NPTN: variants seen among roughly 807,000 people sequenced by gnomAD.
The protein encoded by NPTN is SDR-1.
In NPTN, 5 loss-of-function variants were observed where a neutral mutation model predicts 42.7. That is an observed-to-expected ratio of 0.12 (90% confidence interval 0.06 to 0.25). The LOEUF (loss-of-function observed/expected upper bound fraction) is 0.25. Ranked by LOEUF, NPTN falls within the 10% of genes least tolerant of loss-of-function variation. The probability of loss-of-function intolerance (pLI) is 1.00; values close to 1 mark genes in which losing one functional copy is unlikely to be tolerated. For missense variants in NPTN, 307 were observed against 525.4 expected (o/e 0.58, Z 4.06); for synonymous variants, 180 against 201.9 (o/e 0.89, Z 0.92).
chr15:73,605,316 G>A (rs1239040920), intron 1 of NPTN, among the ~76,000 whole-genome samples: 3 of 151,808 alleles, frequency 2.0e-5, no homozygotes, highest in African/African-American at 4.8e-5. Flanking sequence ...AATAGAAAGT[G>A]ACATTAAATG....
chr15:73,625,880 G>GA (rs1259642320), intron 1 of NPTN, among the ~76,000 whole-genome samples: 1 of 151,722 alleles, frequency 6.6e-6, no homozygotes, highest in East Asian at 1.9e-4. Flanking sequence ...AGATCTAAAA[G>GA]AAAAAAAGGA....
chr15:73,624,063 G>C (rs1269077396), intron 1 of NPTN, among the ~76,000 whole-genome samples: 1 of 152,060 alleles, frequency 6.6e-6, no homozygotes, highest in Non-Finnish European at 1.5e-5. Context: ...TCCCCCTAGT[G>C]CTCCCTGTTC....
At chr15:73,624,936 GA>G (rs961304261) in intron 1 of NPTN, among the ~76,000 whole-genome samples, 2 of 151,296 alleles carry the variant, frequency 1.3e-5, no homozygotes, top group African/African-American at 2.4e-5. Flanking sequence ...GTTCTAAAAG[GA>G]AAAAAAATCG....
At chr15:73,589,149 T>A (rs1487358616) in intron 3 of NPTN, among the ~76,000 whole-genome samples, 1 of 151,952 alleles carries the variant, frequency 6.6e-6, no homozygotes, top group African/African-American at 2.4e-5. Flanking sequence ...CTGGGAAACA[T>A]GGCGAAACGC....
At chr15:73,606,489 A>G (rs930321989) in intron 1 of NPTN, among the ~76,000 whole-genome samples, 6 of 152,212 alleles carry the variant, frequency 3.9e-5, no homozygotes, top group African/African-American at 1.4e-4. Context: ...AGAAAAATGC[A>G]CACAAATAAG....
chr15:73,569,436 G>A lies in NPTN; in HGVS notation c.1114+714C>T, dbSNP rs1370966945. 3.0e-6 allele frequency: 3 copies of A among 985,738 alleles called. No homozygotes were observed. Among genetic ancestry groups the A allele is most frequent in the Non-Finnish European group, 3.6e-6 (3 of 830,322 alleles). The allele number at this position is 985,738 out of a possible 1,614,324, so 61.1% of individuals were successfully genotyped here. On this transcript the variant is annotated intron_variant, in intron 6 of 8. Transcript: ENST00000345330. This position sits in a 1 kb window ranked among gnomAD's most constrained non-coding sequence, Gnocchi z 4.1. The stretch of plus-strand genomic sequence containing the variant: ...CATCTCCTCCCTTCTCTGACCCTAG[G>A]CCAGCTTGAGGGCACAGCCTCGGGG...
intron 4 of NPTN, among the ~76,000 whole-genome samples, chr15:73,583,578 G>A (rs1268231708): frequency 6.6e-6 from 1 of 152,172 alleles, no homozygotes; most frequent in African/African-American, 2.4e-5. Context: ...AGGTCAGGGT[G>A]GCACCCTGAA....
chr15:73,573,479 T>C (rs1021605511), intron 5 of NPTN, among the ~76,000 whole-genome samples, 183 bp downstream of exon 5: 4 of 152,160 alleles, frequency 2.6e-5, no homozygotes, highest in Non-Finnish European at 4.4e-5. Flanking sequence ...CGTACAGGGA[T>C]TTTTGTGCTG....
Position 73,560,244 on chromosome 15 carries a change from T to A in NPTN, c.*819A>T, listed in dbSNP as rs1324881393. On this transcript the variant is annotated 3_prime_UTR_variant, in exon 9 of 9. Transcript: ENST00000345330. Reference sequence around the variant, plus strand: ...CATAGAATATTACCATGCTATAACATTTCAAGGTCATTGGAAACAAAAGAA... The same window carrying A: ...CATAGAATATTACCATGCTATAACAATTCAAGGTCATTGGAAACAAAAGAA... 5.8e-6 allele frequency: 1 copy of A among 171,326 alleles called. No homozygotes were observed. Among genetic ancestry groups the A allele is most frequent in the Non-Finnish European group, 1.2e-5 (1 of 81,108 alleles). 10.6% of individuals were successfully genotyped at this position (171,326 alleles called of 1,614,324 possible).
In NPTN at chr15:73,633,249, C is replaced by T; in HGVS notation, c.-34G>A. The stretch of plus-strand genomic sequence containing the variant: ...GCAGAAGACCCAACAGCGAATGGGC[C>T]GGGGCCAGAGCCGGGGCCGGGGAAG... On this transcript the variant is annotated 5_prime_UTR_variant, in exon 1 of 9. Coordinates refer to ENST00000345330, the MANE Select transcript of NPTN (RefSeq NM_012428.4). 1.4e-6 allele frequency: 1 copy of T among 728,308 alleles called. No homozygotes were observed. The highest frequency in any genetic ancestry group is 2.0e-6 in the Non-Finnish European group (1 of 491,398). 45.1% of individuals were successfully genotyped at this position (728,308 alleles called of 1,614,324 possible). A position where few individuals can be genotyped will look rare whatever the true frequency, so the allele number is the denominator to read the frequency against.
intron 1 of NPTN, among the ~76,000 whole-genome samples, chr15:73,623,254 T>G (rs1047746008): frequency 3.9e-5 from 6 of 152,232 alleles, no homozygotes; most frequent in Non-Finnish European, 7.3e-5. Flanking sequence ...CTGAAGGTTA[T>G]AGTAAGCAAA....
chr15:73,572,535 T>G (rs1013795611), intron 5 of NPTN, among the ~76,000 whole-genome samples: 8 of 152,076 alleles, frequency 5.3e-5, no homozygotes, highest in Admixed American at 3.3e-4. Flanking sequence ...TTGGGCCTCC[T>G]CAGGTTGCCC....
At chr15:73,586,806 A>G (rs1200763720) in intron 4 of NPTN, among the ~76,000 whole-genome samples, 2 of 152,152 alleles carry the variant, frequency 1.3e-5, no homozygotes, top group Non-Finnish European at 2.9e-5. Context: ...AAAACATTGG[A>G]TTGGGGGTCA....
intron 2 of NPTN, among the ~76,000 whole-genome samples, chr15:73,593,201 T>C (rs2141402146): frequency 6.6e-6 from 1 of 152,364 alleles, no homozygotes; most frequent in East Asian, 1.9e-4. Flanking sequence ...CACTCTATAT[T>C]ATTCCTGGAA....
Position 73,570,074 on chromosome 15 carries a change from G to A in NPTN, c.1114+76C>T. 6.9e-7 allele frequency: 1 copy of A among 1,450,396 alleles called. No homozygotes were observed. The highest frequency in any genetic ancestry group is 9.3e-7 in the Non-Finnish European group (1 of 1,074,058). The allele number at this position is 1,450,396 out of a possible 1,614,324, so 89.8% of individuals were successfully genotyped here. A position where few individuals can be genotyped will look rare whatever the true frequency, so the allele number is the denominator to read the frequency against. On this transcript the variant is annotated intron_variant, in intron 6 of 8. Coordinates refer to ENST00000345330, the MANE Select transcript of NPTN (RefSeq NM_012428.4). This position sits in a 1 kb window ranked among gnomAD's most constrained non-coding sequence, Gnocchi z 4.0. ...GGGATTGAATCCCAACATCCCTATA[G>A]TCCTCTTTGGGTACTTGGAAACCAC...
chr15:73,610,542 T>C (rs1897528053), intron 1 of NPTN, among the ~76,000 whole-genome samples: 1 of 152,294 alleles, frequency 6.6e-6, no homozygotes, highest in South Asian at 2.1e-4. Context: ...CCCAACCAAA[T>C]TTTCTCAACT....
intron 1 of NPTN, among the ~76,000 whole-genome samples, chr15:73,622,837 T>C (rs370478748): frequency 3.9e-5 from 6 of 152,316 alleles, no homozygotes; most frequent in African/African-American, 1.4e-4. Flanking sequence ...GGTTGCCATA[T>C]TACGTAAATA....
intron 4 of NPTN, among the ~76,000 whole-genome samples, chr15:73,580,471 A>T (rs1411303076): frequency 7.6e-6 from 1 of 131,256 alleles, no homozygotes; most frequent in Non-Finnish European, 1.5e-5. Flanking sequence ...AAATATATTT[A>T]TATATACATA....
intron 3 of NPTN, 101 bp downstream of exon 3, chr15:73,591,865 A>C: frequency 8.8e-7 from 1 of 1,138,448 alleles, no homozygotes; most frequent in Non-Finnish European, 1.3e-6. Context: ...AACCAAATAT[A>C]TCTCATGTCC....
Sources: gnomAD v4.1 joint callset for allele counts (sites outside exome capture counted in the v4.1 genomes callset) on GRCh38, gnomAD v4.1.1 for gene constraint, Gnocchi (gnomAD v3.1) non-coding constraint, MANE v1.5 for transcripts, NCBI Gene and HGNC (gene_info 2026-07-23, HGNC 2026-07-21) for gene names.